Variants in GALNT13 observed in about 807,000 individuals in gnomAD.
GALNT13 encodes the protein polypeptide N-acetylgalactosaminyltransferase 13.
In GALNT13, 28 loss-of-function variants were observed where a neutral mutation model predicts 64.2. That is an observed-to-expected ratio of 0.44 (90% confidence interval 0.32 to 0.60). The LOEUF is 0.60. GALNT13 is among the 20% of genes least tolerant of loss of function. GALNT13 has a pLI of 0.05. For missense variants in GALNT13, 577 were observed against 669.8 expected (o/e 0.86, Z 1.53); for synonymous variants, 214 against 224.6 (o/e 0.95, Z 0.42).
chr2:154,206,135 T>C (rs1470432657), intron 4 of GALNT13, among the ~76,000 whole-genome samples: 1 of 151,726 alleles, frequency 6.6e-6, no homozygotes, highest in East Asian at 2.0e-4. Flanking sequence ...GTAGCTGGGA[T>C]TACAGGCGCC....
chr2:153,205,989 T>C, the GALNT13 span, among the ~76,000 whole-genome samples: 1 of 151,976 alleles, frequency 6.6e-6, no homozygotes, highest in African/African-American at 2.4e-5. Flanking sequence ...CCTCAATAAG[T>C]CCTGAATAAT....
At chr2:154,160,225 A>G (rs191804253) in intron 4 of GALNT13, among the ~76,000 whole-genome samples, 1 of 152,242 alleles carries the variant, frequency 6.6e-6, no homozygotes, top group Admixed American at 6.5e-5. Flanking sequence ...TGCGGCATGC[A>G]TTTATATTTT....
the GALNT13 span, among the ~76,000 whole-genome samples, chr2:153,293,785 G>C: frequency 1.3e-3 from 159 of 120,164 alleles, no homozygotes; most frequent in Admixed American, 2.4e-3. Flanking sequence ...GTGTGTGTGT[G>C]TGTGTGTCTG....
chr2:154,390,420 C>A (rs1252471227), intron 9 of GALNT13, among the ~76,000 whole-genome samples: 1 of 152,132 alleles, frequency 6.6e-6, no homozygotes, highest in African/African-American at 2.4e-5. Context: ...TATTGTTCCC[C>A]TCTATGTGTC....
At chr2:153,357,672 T>A in the GALNT13 span, among the ~76,000 whole-genome samples, 1 of 152,166 alleles carries the variant, frequency 6.6e-6, no homozygotes, top group Non-Finnish European at 1.5e-5. Context: ...AGTCTTCAGC[T>A]GTACATAGTC....
At chr2:154,332,961 C>T (rs1695247993) in intron 9 of GALNT13, among the ~76,000 whole-genome samples, 2 of 152,098 alleles carry the variant, frequency 1.3e-5, no homozygotes, top group African/African-American at 4.8e-5. Context: ...CATCATATCT[C>T]CTTTTCCTAA....
the GALNT13 span, among the ~76,000 whole-genome samples, chr2:153,176,412 A>G: frequency 6.6e-6 from 1 of 152,186 alleles, no homozygotes; most frequent in Admixed American, 6.5e-5. Context: ...AGTTACTAGA[A>G]GCACTATAAA....
the GALNT13 span, among the ~76,000 whole-genome samples, chr2:153,667,934 C>T: frequency 6.6e-6 from 1 of 151,822 alleles, no homozygotes; most frequent in Non-Finnish European, 1.5e-5. Context: ...AAAAATCTAC[C>T]AAGAAAAAGG....
At chr2:154,103,473 C>T (rs767751470) in intron 3 of GALNT13, among the ~76,000 whole-genome samples, 6 of 152,088 alleles carry the variant, frequency 3.9e-5, no homozygotes, top group Non-Finnish European at 7.4e-5. Flanking sequence ...AATTCTTTAT[C>T]ATTTCAGAAT....
intron 3 of GALNT13, among the ~76,000 whole-genome samples, chr2:154,136,284 T>G (rs988139244): frequency 1.3e-5 from 2 of 152,196 alleles, no homozygotes; most frequent in Non-Finnish European, 2.9e-5. Context: ...TTATTCAGAT[T>G]TTGATTCAAT....
At chr2:153,742,563 AC>A in the GALNT13 span, among the ~76,000 whole-genome samples, 2 of 151,946 alleles carry the variant, frequency 1.3e-5, no homozygotes, top group African/African-American at 4.8e-5. Flanking sequence ...TGATTTTTAA[AC>A]CCTGACTCCC....
At chr2:153,431,634 A>G in the GALNT13 span, among the ~76,000 whole-genome samples, 8 of 152,160 alleles carry the variant, frequency 5.3e-5, no homozygotes, top group Non-Finnish European at 1.0e-4. Context: ...ATTTTGCCTC[A>G]CAGGAGAGCT....
rs1573992482 is a variant in GALNT13 at position 154,270,842 on chromosome 2, A to C, written c.975+11704A>C. Among the ~76,000 whole-genome samples the C allele has an allele frequency of 2.0e-5, 3 of 151,898 alleles. No individual in the cohort carries two copies. In the South Asian group the frequency reaches 6.2e-4, roughly 31 times the overall value. On this transcript the variant is annotated intron_variant, in intron 8 of 12. Coordinates refer to ENST00000392825, the MANE Select transcript of GALNT13 (RefSeq NM_052917.4). ...AATGGATAGTGGGTTTCTTGGGTGC[A>C]CTAAGAGAAAATTATCAATTTTATT... is the stretch of plus-strand genomic sequence containing the variant.
chr2:153,254,151 T>C, the GALNT13 span, among the ~76,000 whole-genome samples: 1 of 152,176 alleles, frequency 6.6e-6, no homozygotes, highest in Non-Finnish European at 1.5e-5. Context: ...TCAGATCCTG[T>C]TATTGGTCTA....
At chr2:153,755,011 T>A in the GALNT13 span, among the ~76,000 whole-genome samples, 1 of 152,122 alleles carries the variant, frequency 6.6e-6, no homozygotes, top group Non-Finnish European at 1.5e-5. Flanking sequence ...TGCTGCACTC[T>A]CCCTCTCTCT....
At position 154,191,525 on chromosome 2, in the gene GALNT13, A is replaced by G. The variant is rs560679358; in HGVS notation, c.312-50505A>G. Among the ~76,000 whole-genome samples the G allele has an allele frequency of 3.3e-5, 5 of 152,344 alleles. No homozygotes were observed. In the South Asian group the frequency reaches 6.2e-4, roughly 19 times the overall value. Reference sequence around the variant, plus strand: ...GAGGGGTAACATTTTATTGTGCGGTATGAATGTAATCAACCTGAGTAATCC... The same window carrying G: ...GAGGGGTAACATTTTATTGTGCGGTGTGAATGTAATCAACCTGAGTAATCC... On this transcript the variant is annotated intron_variant, in intron 4 of 12. Transcript: ENST00000392825.
the GALNT13 span, among the ~76,000 whole-genome samples, chr2:153,468,935 GA>G: frequency 6.6e-6 from 1 of 152,016 alleles, no homozygotes; most frequent in African/African-American, 2.4e-5. Flanking sequence ...TAGTGGTATG[GA>G]AAAACTATCG....
At chr2:153,626,162 A>C in the GALNT13 span, among the ~76,000 whole-genome samples, 1 of 152,154 alleles carries the variant, frequency 6.6e-6, no homozygotes, top group Non-Finnish European at 1.5e-5. Flanking sequence ...TCCCAGATAC[A>C]GACAAGAAGC....
chr2:154,113,747 A>G (rs1318981467), intron 3 of GALNT13, among the ~76,000 whole-genome samples: 2 of 152,236 alleles, frequency 1.3e-5, no homozygotes, highest in Non-Finnish European at 2.9e-5. Context: ...TGAAGTGATC[A>G]TGGTCTCTCT....
Sources: allele counts gnomAD v4.1 joint callset (sites outside exome capture counted in the v4.1 genomes callset), GRCh38; gene constraint gnomAD v4.1.1; transcripts MANE v1.5; gene names NCBI Gene and HGNC (gene_info 2026-07-23, HGNC 2026-07-21).